The following ARMC8 variants were observed in gnomAD, a reference collection of about 807,000 sequenced individuals.
The protein encoded by ARMC8 is armadillo repeat-containing protein 8.
In ARMC8, 20 loss-of-function variants were observed where a neutral mutation model predicts 99.3. The observed-to-expected ratio is 0.20, with a 90% CI of 0.14 to 0.29. The LOEUF (loss-of-function observed/expected upper bound fraction) is 0.29, where lower values mean the gene tolerates loss of function less well. Among genes scored for constraint, ARMC8 ranks in the 10% least tolerant of loss-of-function variants. ARMC8 has a pLI of 1.00. For synonymous variants in ARMC8, 263 were observed against 278.3 expected, an observed-to-expected ratio of 0.95 and a Z score of 0.55; for missense variants, 569 against 809.5, an observed-to-expected ratio of 0.70 and a Z score of 3.60.
chr3:138,218,498 C>G (rs1002066708), intron 2 of ARMC8, among the ~76,000 whole-genome samples: 1 of 152,154 alleles, frequency 6.6e-6, no homozygotes, highest in Non-Finnish European at 1.5e-5. Flanking sequence ...CCAATATGGT[C>G]TTGTATGAAC....
chr3:138,232,284 C>G (rs959780098), intron 6 of ARMC8, among the ~76,000 whole-genome samples: 1 of 152,030 alleles, frequency 6.6e-6, no homozygotes, highest in African/African-American at 2.4e-5. Flanking sequence ...CCCCTTACAA[C>G]TGCTTTTACA....
intron 1 of ARMC8, among the ~76,000 whole-genome samples, chr3:138,190,097 T>C (rs2043291812): frequency 6.6e-6 from 1 of 152,084 alleles, no homozygotes; most frequent in East Asian, 1.9e-4. Context: ...TACCACAGCG[T>C]CCTTTTAATT....
chr3:138,194,365 G>C lies in ARMC8; in HGVS notation c.45+6766G>C, dbSNP rs374889110. On this transcript the variant is annotated intron_variant, in intron 1 of 21. Coordinates refer to ENST00000469044, the MANE Select transcript of ARMC8 (RefSeq NM_001363941.2). ...GCTTTTTTTTTTTTTTTTTTGAGAC[G>C]GAGTCTCTGTCGCCCAGGCTGGAGT... 7.1e-5 allele frequency among the ~76,000 whole-genome samples: 6 copies of C among 83,926 alleles called. 1 individual carries two copies. Among genetic ancestry groups the C allele is most frequent in the African/African-American group, 2.9e-4 (6 of 20,546 alleles). 55.1% of individuals were successfully genotyped at this position (83,926 alleles called of 152,430 possible). A position where few individuals can be genotyped will look rare whatever the true frequency, so the allele number is the denominator to read the frequency against.
intron 2 of ARMC8, among the ~76,000 whole-genome samples, chr3:138,212,628 A>G (rs1219672142): frequency 6.6e-6 from 1 of 152,130 alleles, no homozygotes; most frequent in Non-Finnish European, 1.5e-5. Context: ...GTTTAATACA[A>G]TATGTATAGA....
intron 21 of ARMC8, among the ~76,000 whole-genome samples, chr3:138,294,792 C>T (rs551926773): frequency 6.6e-6 from 1 of 152,258 alleles, no homozygotes; most frequent in East Asian, 1.9e-4. Context: ...AAGGAGGCCT[C>T]CTTGGGCCCA....
chr3:138,271,530 T>C (rs1045680896), intron 16 of ARMC8, among the ~76,000 whole-genome samples: 3 of 152,176 alleles, frequency 2.0e-5, no homozygotes, highest in Non-Finnish European at 4.4e-5. Flanking sequence ...ACTGAACTCA[T>C]TTCACTCCTC....
intron 18 of ARMC8, among the ~76,000 whole-genome samples, chr3:138,284,022 A>G (rs1261460215): frequency 6.6e-6 from 1 of 152,216 alleles, no homozygotes; most frequent in Non-Finnish European, 1.5e-5. Context: ...GGGGAGTTGC[A>G]ACACCTACAG....
At chr3:138,191,702 C>G (rs1002969365) in intron 1 of ARMC8, among the ~76,000 whole-genome samples, 10 of 152,198 alleles carry the variant, frequency 6.6e-5, no homozygotes, top group Admixed American at 5.9e-4. Context: ...ATAATCTGTT[C>G]TCCATCTCTA....
At chr3:138,222,091 C>T in intron 3 of ARMC8, 94 bp downstream of exon 3, 4 of 852,492 alleles carry the variant, frequency 4.7e-6, no homozygotes, top group Non-Finnish European at 7.4e-6. Flanking sequence ...CCTGTATTGT[C>T]TGTCTAATTC....
At chr3:138,199,953 T>C (rs2043954779) in intron 1 of ARMC8, among the ~76,000 whole-genome samples, 2 of 152,142 alleles carry the variant, frequency 1.3e-5, no homozygotes, top group South Asian at 4.1e-4. Flanking sequence ...TTCACATTGT[T>C]TTAGGGATAG....
intron 14 of ARMC8, among the ~76,000 whole-genome samples, chr3:138,265,178 A>G (rs557320195): frequency 5.7e-4 from 86 of 152,204 alleles, no homozygotes; most frequent in South Asian, 2.5e-3. Flanking sequence ...GATTACAGGT[A>G]TGAGCCACCA....
chr3:138,277,346 C>T (rs1036236894), intron 18 of ARMC8, among the ~76,000 whole-genome samples: 7 of 152,104 alleles, frequency 4.6e-5, no homozygotes, highest in South Asian at 2.1e-4. Context: ...TTAGATTAGG[C>T]GAAGAGTTCT....
At chr3:138,283,717 A>G (rs1489005641) in intron 18 of ARMC8, among the ~76,000 whole-genome samples, 1 of 152,188 alleles carries the variant, frequency 6.6e-6, no homozygotes, top group Admixed American at 6.5e-5. Context: ...GCTGACAAGA[A>G]CAGTTTTTCC....
Position 138,260,133 on chromosome 3 carries a change from A to G in ARMC8, c.1135-3606A>G, listed in dbSNP as rs913697351. ...CTCTGGGCACTCAGATATTTGCTGAATACATAATTATAGAAATGCAAGTAG... is the reference window on the plus strand; with the variant it reads ...CTCTGGGCACTCAGATATTTGCTGAGTACATAATTATAGAAATGCAAGTAG... On this transcript the variant is annotated intron_variant, in intron 12 of 21. Coordinates refer to ENST00000469044, the MANE Select transcript of ARMC8 (RefSeq NM_001363941.2). 5.3e-5 allele frequency among the ~76,000 whole-genome samples: 8 copies of G among 152,224 alleles called. No homozygotes were observed. In the South Asian group the frequency reaches 6.2e-4, roughly 12 times the overall value.
chr3:138,199,142 T>G (rs988878221), intron 1 of ARMC8, among the ~76,000 whole-genome samples: 1 of 152,066 alleles, frequency 6.6e-6, no homozygotes, highest in Non-Finnish European at 1.5e-5. Context: ...TTGATTAATC[T>G]TGGGAGGGAG....
At chr3:138,246,093 T>A in intron 12 of ARMC8, 2 of 985,370 alleles carry the variant, frequency 2.0e-6, no homozygotes, top group Non-Finnish European at 1.2e-6. Flanking sequence ...TTACCATGAT[T>A]CAGAGAAGTT....
intron 18 of ARMC8, among the ~76,000 whole-genome samples, chr3:138,277,302 TAGAG>T (rs1459720887): frequency 5.9e-5 from 9 of 152,188 alleles, no homozygotes; most frequent in South Asian, 2.1e-4. Flanking sequence ...CTATAAAACT[TAGAG>T]AGAAAATGCA....
intron 1 of ARMC8, among the ~76,000 whole-genome samples, chr3:138,208,620 A>G (rs769275561): frequency 2.0e-5 from 3 of 152,132 alleles, no homozygotes; most frequent in Non-Finnish European, 4.4e-5. Flanking sequence ...TGGAGTTCTG[A>G]GTAAATTGGA....
intron 18 of ARMC8, among the ~76,000 whole-genome samples, chr3:138,283,591 A>T (rs529714192): frequency 6.6e-6 from 1 of 152,154 alleles, no homozygotes; most frequent in South Asian, 2.1e-4. Context: ...CATAATAGTT[A>T]CTTAGTAAAT....
Sources: allele counts gnomAD v4.1 joint callset (sites outside exome capture counted in the v4.1 genomes callset), GRCh38; gene constraint gnomAD v4.1.1; transcripts MANE v1.5; gene names NCBI Gene and HGNC (gene_info 2026-07-23, HGNC 2026-07-21).